MED13L: variants seen among roughly 807,000 people sequenced by gnomAD.
The protein encoded by MED13L is mediator of RNA polymerase II transcription subunit 13-like.
MED13L carries 7 observed loss-of-function variants against 220.9 expected under a neutral mutation model. The ratio of observed to expected loss-of-function variants is 0.03; its 90% CI spans 0.02 to 0.06. The LOEUF is 0.06. Among genes scored for constraint, MED13L ranks in the 10% least tolerant of loss-of-function variants. The pLI is 1.00. For missense variants in MED13L, 1,965 were observed against 2,760.5 expected, an observed-to-expected ratio of 0.71 and a Z score of 6.46; for synonymous variants, 1,011 against 1,015.2, an observed-to-expected ratio of 1.00 and a Z score of 0.08.
intron 28 of MED13L, 81 bp from the exon 29 acceptor site, chr12:115,966,324 C>T: frequency 2.7e-6 from 4 of 1,477,046 alleles, no homozygotes; most frequent in Non-Finnish European, 3.7e-6. Flanking sequence ...TCACTCTGCA[C>T]ACTGCAGTGA....
At chr12:116,129,218 A>G (rs1341302214) in intron 2 of MED13L, among the ~76,000 whole-genome samples, 11 of 152,010 alleles carry the variant, frequency 7.2e-5, no homozygotes, top group African/African-American at 1.5e-4. Context: ...GGATAAAAAT[A>G]TTTATCATCT....
intron 2 of MED13L, among the ~76,000 whole-genome samples, chr12:116,227,351 A>G (rs1869107157): frequency 6.6e-6 from 1 of 152,204 alleles, no homozygotes; most frequent in African/African-American, 2.4e-5. Flanking sequence ...ATATAGGAAT[A>G]TCTCATTTTA....
At chr12:116,213,951 A>C (rs1461935236) in intron 2 of MED13L, among the ~76,000 whole-genome samples, 1 of 152,200 alleles carries the variant, frequency 6.6e-6, no homozygotes, top group African/African-American at 2.4e-5. Context: ...ACAGTGTTAC[A>C]TCCATCTTGT....
At chr12:116,024,017 T>C (rs1880225088) in intron 4 of MED13L, among the ~76,000 whole-genome samples, 1 of 152,226 alleles carries the variant, frequency 6.6e-6, no homozygotes, top group African/African-American at 2.4e-5. Flanking sequence ...GATTGGCTTA[T>C]TTTTCAGCTG....
At chr12:116,194,925 G>A (rs73398822) in intron 2 of MED13L, among the ~76,000 whole-genome samples, 148 of 152,268 alleles carry the variant, frequency 9.7e-4, no homozygotes, top group African/African-American at 3.4e-3. Context: ...CAGAGAGTGG[G>A]CAGAAGGTAT....
intron 2 of MED13L, among the ~76,000 whole-genome samples, chr12:116,190,224 C>G (rs1453099743): frequency 6.6e-6 from 1 of 152,070 alleles, no homozygotes; most frequent in Non-Finnish European, 1.5e-5. Context: ...TTTACAGATA[C>G]AAGTTTATCA....
chr12:115,984,007 T>C (rs147413178), intron 20 of MED13L, among the ~76,000 whole-genome samples, 173 bp downstream of exon 20: 8 of 152,304 alleles, frequency 5.3e-5, no homozygotes, highest in Admixed American at 5.2e-4. Context: ...TTAAAAAATA[T>C]ATGTCCATAT....
intron 2 of MED13L, among the ~76,000 whole-genome samples, chr12:116,215,947 C>T (rs558863052): frequency 6.6e-6 from 1 of 152,232 alleles, no homozygotes; most frequent in Non-Finnish European, 1.5e-5. Context: ...TAATGGTCTA[C>T]TGAATGGTGG....
intron 2 of MED13L, among the ~76,000 whole-genome samples, chr12:116,128,337 A>C (rs1471648142): frequency 6.6e-6 from 1 of 152,150 alleles, no homozygotes; most frequent in African/African-American, 2.4e-5. Context: ...AGCCAAACAG[A>C]CACGTTTATA....
intron 16 of MED13L, among the ~76,000 whole-genome samples, chr12:115,995,087 G>A (rs954994688): frequency 6.6e-5 from 10 of 152,222 alleles, no homozygotes; most frequent in Non-Finnish European, 1.0e-4. Context: ...TTCTGTCACC[G>A]TTTTTCTTTC....
At chr12:116,247,842 A>G (rs569678046) in intron 1 of MED13L, among the ~76,000 whole-genome samples, 228 of 152,342 alleles carry the variant, frequency 1.5e-3, no homozygotes, top group African/African-American at 5.0e-3. Context: ...AAGGGCTCAG[A>G]GGTTTTATTT....
rs56251325 is a variant in MED13L at position 116,062,488 on chromosome 12, G to GTTTT, written c.479+34177_479+34180dup. On this transcript the variant is annotated intron_variant, in intron 4 of 30. Coordinates refer to ENST00000281928, the MANE Select transcript of MED13L (RefSeq NM_015335.5). ...ATAGTGTCTCTCTCTCTCTCTCTGT[G>GTTTT]TTTTTTTTTTTTTTTTTTGAGATGG... Among the ~76,000 whole-genome samples, 216 of 97,342 alleles carry GTTTT rather than the reference G, an allele frequency of 2.2e-3. 2 individuals are homozygous for GTTTT. Among genetic ancestry groups the GTTTT allele is most frequent in the African/African-American group, 4.0e-3 (94 of 23,426 alleles). The allele number at this position is 97,342 out of a possible 152,430, so 63.9% of individuals were successfully genotyped here. A position where few individuals can be genotyped will look rare whatever the true frequency, so the allele number is the denominator to read the frequency against.
intron 2 of MED13L, among the ~76,000 whole-genome samples, chr12:116,210,560 TA>T: frequency 8.8e-6 from 1 of 113,630 alleles, no homozygotes; most frequent in African/African-American, 2.9e-5. Context: ...CCTATATATA[TA>T]TATATATATA....
chr12:116,048,400 G>A (rs1881963269), intron 4 of MED13L, among the ~76,000 whole-genome samples: 1 of 152,102 alleles, frequency 6.6e-6, no homozygotes, highest in Non-Finnish European at 1.5e-5. Context: ...CATACATCAA[G>A]GAAGAGCCAG....
At chr12:116,168,775 T>A (rs1879467741) in intron 2 of MED13L, among the ~76,000 whole-genome samples, 1 of 152,152 alleles carries the variant, frequency 6.6e-6, no homozygotes, top group African/African-American at 2.4e-5. Flanking sequence ...AACTCCTTGG[T>A]TTTGGGATCC....
chr12:116,175,814 G>A (rs914110350), intron 2 of MED13L, among the ~76,000 whole-genome samples: 8 of 152,144 alleles, frequency 5.3e-5, no homozygotes, highest in East Asian at 1.9e-4. Context: ...AAATGATGCC[G>A]TTAAACCTTG....
chr12:116,259,784 T>G (rs748531528), intron 1 of MED13L, among the ~76,000 whole-genome samples: 1 of 152,146 alleles, frequency 6.6e-6, no homozygotes, highest in Admixed American at 6.5e-5. Context: ...TTCCTGAAGG[T>G]GAGGGGAGGG....
At position 116,103,839 on chromosome 12, in the gene MED13L, G is replaced by C. The variant is rs551730748; in HGVS notation, c.396-7087C>G. Among the ~76,000 whole-genome samples the C allele has an allele frequency of 4.6e-5, 7 of 152,034 alleles. 1 individual carries two copies. The South Asian group carries it at 1.5e-3, about 32-fold the overall frequency. Reference sequence around the variant, plus strand: ...AAACACTGTTATTTCAATAAAATTGGTATTTATTGATTACTCATTTCTTGC... The same window carrying C: ...AAACACTGTTATTTCAATAAAATTGCTATTTATTGATTACTCATTTCTTGC... On this transcript the variant is annotated intron_variant, in intron 3 of 30. Coordinates refer to ENST00000281928, the MANE Select transcript of MED13L (RefSeq NM_015335.5).
At chr12:116,104,410 A>C (rs967795243) in intron 3 of MED13L, among the ~76,000 whole-genome samples, 2 of 152,222 alleles carry the variant, frequency 1.3e-5, no homozygotes, top group Non-Finnish European at 2.9e-5. Flanking sequence ...TTGTTATCAT[A>C]ATTATAATTT....
Sources: allele counts gnomAD v4.1 joint callset (sites outside exome capture counted in the v4.1 genomes callset), GRCh38; gene constraint gnomAD v4.1.1; transcripts MANE v1.5; gene names NCBI Gene and HGNC (gene_info 2026-07-23, HGNC 2026-07-21).